COLGALT2: variants seen among roughly 807,000 people sequenced by gnomAD.
COLGALT2 encodes the protein collagen beta(1-O)galactosyltransferase 2, also known as procollagen galactosyltransferase 2.
A neutral mutation model predicts 73.4 loss-of-function variants in COLGALT2; 49 were observed. The observed-to-expected ratio is 0.67, with a 90% CI of 0.53 to 0.85. COLGALT2 has a LOEUF of 0.85. COLGALT2 is among the 40% of genes least tolerant of loss of function. The probability of loss-of-function intolerance (pLI) is 0.00; values close to 1 mark genes in which losing one functional copy is unlikely to be tolerated. For synonymous variants in COLGALT2, 295 were observed against 307.6 expected, an observed-to-expected ratio of 0.96 and a Z score of 0.43; for missense variants, 722 against 790.2, an observed-to-expected ratio of 0.91 and a Z score of 1.03.
At chr1:184,012,059 A>G (rs1450927836) in intron 1 of COLGALT2, among the ~76,000 whole-genome samples, 1 of 152,194 alleles carries the variant, frequency 6.6e-6, no homozygotes, top group Non-Finnish European at 1.5e-5. Flanking sequence ...CTTTTCCCCA[A>G]AAAAGAATAA....
Position 183,973,660 on chromosome 1 carries a change from A to T in COLGALT2, c.583T>A (p.Ser195Thr). 1.2e-6 allele frequency: 2 copies of T among 1,613,956 alleles called. No homozygotes were observed. Among genetic ancestry groups the T allele is most frequent in the Non-Finnish European group, 1.7e-6 (2 of 1,179,968 alleles). Residue 195 changes from serine to threonine, a missense_variant, in exon 4 of 12, where the codon TCT (serine) becomes ACT (threonine). By Grantham distance (58) the Ser-to-Thr change is moderately conservative (BLOSUM62 1). Coordinates refer to ENST00000361927, the MANE Select transcript of COLGALT2 (RefSeq NM_015101.4). ...CAGAAATTAGAATACAGGCCCCGAG[A>T]CTCCAGCATGGGGGCCACAATAGTT... ...NKTIVAPMLE[S>T]RGLYSNFWCG...
chr1:184,024,360 CTTT>C (rs58405733), intron 1 of COLGALT2, among the ~76,000 whole-genome samples: 2 of 144,000 alleles, frequency 1.4e-5, no homozygotes, highest in Non-Finnish European at 1.5e-5. Context: ...TTTTCTTTTT[CTTT>C]TTTTTTTTTG....
At chr1:183,966,270 G>A (rs1028252566) in intron 5 of COLGALT2, among the ~76,000 whole-genome samples, 1 of 152,198 alleles carries the variant, frequency 6.6e-6, no homozygotes, top group African/African-American at 2.4e-5. Context: ...AGTGAATGCT[G>A]CTTCTGGGGA....
Position 184,036,985 on chromosome 1 carries a change from C to T in COLGALT2, c.263+110G>A, listed in dbSNP as rs906069753. On this transcript the variant is annotated intron_variant, in intron 1 of 11. Transcript: ENST00000361927. ...GCGCCAGATTTTCCGCGTGCCCCCC[C>T]GCCCCTCCAGCGGCTCCCTCGCCCT... 4.2e-6 allele frequency: 4 copies of T among 957,166 alleles called. No homozygotes were observed. In the South Asian group the frequency reaches 1.3e-4, roughly 32 times the overall value. 59.3% of individuals were successfully genotyped at this position (957,166 alleles called of 1,614,324 possible). A position where few individuals can be genotyped will look rare whatever the true frequency, so the allele number is the denominator to read the frequency against.
intron 6 of COLGALT2, among the ~76,000 whole-genome samples, chr1:183,958,446 A>C (rs1212742261): frequency 2.0e-5 from 3 of 152,156 alleles, no homozygotes; most frequent in African/African-American, 7.2e-5. Context: ...GGCACTTGAC[A>C]CCACCAAATG....
intron 1 of COLGALT2, among the ~76,000 whole-genome samples, chr1:184,006,623 T>A (rs1672092969): frequency 6.6e-6 from 1 of 151,064 alleles, no homozygotes; most frequent in Non-Finnish European, 1.5e-5. Context: ...ATAATAATAA[T>A]AAAAAGATTA....
chr1:184,022,464 T>C (rs1270644294), intron 1 of COLGALT2, among the ~76,000 whole-genome samples: 1 of 152,150 alleles, frequency 6.6e-6, no homozygotes, highest in Non-Finnish European at 1.5e-5. Flanking sequence ...AAACAAACGA[T>C]GTTAGTACAA....
chr1:184,037,267 C>G lies in COLGALT2; in HGVS notation c.91G>C (p.Ala31Pro). 6.4e-7 allele frequency: 1 copy of G among 1,560,926 alleles called. No homozygotes were observed. Among genetic ancestry groups the G allele is most frequent in the South Asian group, 1.2e-5 (1 of 84,704 alleles). ...CCGTCGTCCTCCGAGTCCCGCTCGG[C>G]GACGAAGCGCGCTCGGCAGCCTTCG... is the stretch of plus-strand genomic sequence containing the variant. ...LREGCRARFV[A>P]ERDSEDDGEE... The change falls in exon 1 of 12, where the codon GCC becomes CCC. Residue 31 changes from alanine to proline, a missense_variant. Transcript: ENST00000361927.
chr1:183,935,929 T>C lies in COLGALT2; in HGVS notation c.*2832A>G. The C allele has an allele frequency of 3.0e-6, 3 of 985,462 alleles. No homozygotes were observed. Among genetic ancestry groups the C allele is most frequent in the Non-Finnish European group, 3.6e-6 (3 of 829,952 alleles). 61.0% of individuals were successfully genotyped at this position (985,462 alleles called of 1,614,324 possible). Reference sequence around the variant, plus strand: ...CTGAAATAGCACGCAAGACAGATGATGCAGGGGAACGGGTGTCCACTCTTT... The same window carrying C: ...CTGAAATAGCACGCAAGACAGATGACGCAGGGGAACGGGTGTCCACTCTTT... On this transcript the variant is annotated 3_prime_UTR_variant, in exon 12 of 12. Transcript: ENST00000361927.
At chr1:183,960,664 T>C (rs575277213) in intron 6 of COLGALT2, among the ~76,000 whole-genome samples, 1 of 152,388 alleles carries the variant, frequency 6.6e-6, no homozygotes, top group South Asian at 2.1e-4. Flanking sequence ...TGCAAGCTTG[T>C]TCAACCATGG....
intron 4 of COLGALT2, among the ~76,000 whole-genome samples, chr1:183,972,906 A>G (rs890777903): frequency 3.9e-5 from 6 of 152,148 alleles, no homozygotes; most frequent in Non-Finnish European, 8.8e-5. Flanking sequence ...TCACCATGTT[A>G]GCCAGGATGG....
intron 1 of COLGALT2, among the ~76,000 whole-genome samples, chr1:184,036,779 C>T (rs1649693027): frequency 6.6e-6 from 1 of 152,144 alleles, no homozygotes; most frequent in African/African-American, 2.4e-5. Context: ...ACTGAAAGTC[C>T]CCTTGAGGGG....
chr1:183,996,003 C>T (rs535050925), intron 1 of COLGALT2, among the ~76,000 whole-genome samples: 1 of 152,130 alleles, frequency 6.6e-6, no homozygotes, highest in African/African-American at 2.4e-5. Flanking sequence ...ACTCTTTTAC[C>T]TGAATTATCT....
intron 1 of COLGALT2, among the ~76,000 whole-genome samples, chr1:184,002,154 C>G (rs998317906): frequency 6.6e-6 from 1 of 152,250 alleles, no homozygotes; most frequent in Admixed American, 6.5e-5. Flanking sequence ...TACATCCATC[C>G]TGGGCTCCTA....
chr1:183,972,762 C>T (rs1366144386), intron 4 of COLGALT2, among the ~76,000 whole-genome samples: 1 of 151,596 alleles, frequency 6.6e-6, no homozygotes, highest in East Asian at 1.9e-4. Flanking sequence ...CGCAGTGGCG[C>T]GACCTCGGCT....
At chr1:183,971,679 T>C (rs958851986) in intron 4 of COLGALT2, among the ~76,000 whole-genome samples, 8 of 152,124 alleles carry the variant, frequency 5.3e-5, no homozygotes, top group South Asian at 2.1e-4. Flanking sequence ...CTAGAAGAAA[T>C]AATTACAACA....
At chr1:183,964,687 C>T (rs181944134) in intron 5 of COLGALT2, among the ~76,000 whole-genome samples, 1 of 152,264 alleles carries the variant, frequency 6.6e-6, no homozygotes, top group East Asian at 1.9e-4. Flanking sequence ...GTATGCAATA[C>T]CCTTCTCATA....
intron 6 of COLGALT2, among the ~76,000 whole-genome samples, chr1:183,959,906 C>G (rs1037203635): frequency 2.0e-5 from 3 of 152,150 alleles, no homozygotes; most frequent in Admixed American, 2.0e-4. Flanking sequence ...CCAAGCTTTT[C>G]CTGTCTAACA....
At chr1:184,026,316 G>T (rs866196392) in intron 1 of COLGALT2, among the ~76,000 whole-genome samples, 55 of 152,144 alleles carry the variant, frequency 3.6e-4, no homozygotes, top group African/African-American at 1.2e-3. Flanking sequence ...TTTTGAGAAG[G>T]ATAAAAGATA....
Sources: allele counts gnomAD v4.1 joint callset (sites outside exome capture counted in the v4.1 genomes callset), GRCh38; gene constraint gnomAD v4.1.1; transcripts MANE v1.5; gene names NCBI Gene and HGNC (gene_info 2026-07-23, HGNC 2026-07-21).